The following CENPW variants were observed in gnomAD, a reference collection of about 807,000 sequenced individuals.
CENPW encodes centromere protein W, also known as cancer-up-regulated gene 2 protein.
CENPW carries 3 observed loss-of-function variants against 11.1 expected under a neutral mutation model. The observed-to-expected ratio is 0.27, with a 90% confidence interval of 0.12 to 0.70. CENPW has a LOEUF of 0.70. Ranked by LOEUF, CENPW falls within the 30% of genes least tolerant of loss-of-function variation. CENPW has a pLI of 0.77. For missense variants in CENPW, 100 were observed against 105.6 expected (o/e 0.95, Z 0.23); for synonymous variants, 38 against 42.0 (o/e 0.91, Z 0.37).
chr6:126,476,998 T>A, the CENPW span, among the ~76,000 whole-genome samples: 4 of 151,994 alleles, frequency 2.6e-5, no homozygotes, highest in Non-Finnish European at 4.4e-5. Context: ...AAAGGAAATA[T>A]ACTTCATTAA....
chr6:126,344,810 T>G (rs1004935811), intron 1 of CENPW, among the ~76,000 whole-genome samples: 3 of 152,200 alleles, frequency 2.0e-5, no homozygotes, highest in African/African-American at 7.2e-5. Context: ...ATATAAAGCA[T>G]TAAAACACCA....
At chr6:126,415,567 G>A in the CENPW span, among the ~76,000 whole-genome samples, 1 of 152,142 alleles carries the variant, frequency 6.6e-6, no homozygotes, top group Admixed American at 6.5e-5. Flanking sequence ...GATATGGTTT[G>A]GCTGTGTCCC....
chr6:126,381,031 T>A, the CENPW span, among the ~76,000 whole-genome samples: 144 of 152,312 alleles, frequency 9.5e-4, 3 homozygotes, highest in East Asian at 0.023. Context: ...TCTCAACGTT[T>A]GATCAAGTTC....
the CENPW span, among the ~76,000 whole-genome samples, chr6:126,403,013 A>C: frequency 2.0e-5 from 3 of 152,178 alleles, no homozygotes; most frequent in East Asian, 5.8e-4. Context: ...TTTCATACAC[A>C]ATATTATTAT....
the CENPW span, among the ~76,000 whole-genome samples, chr6:126,417,115 T>C: frequency 6.6e-6 from 1 of 152,188 alleles, no homozygotes; most frequent in African/African-American, 2.4e-5. Context: ...CCTGCATCAG[T>C]GTGACCTGGA....
the CENPW span, among the ~76,000 whole-genome samples, chr6:126,450,077 G>A: frequency 2.0e-5 from 3 of 151,072 alleles, no homozygotes; most frequent in Non-Finnish European, 3.0e-5. Context: ...AGATGCATGA[G>A]TTTTGTAAAC....
the CENPW span, among the ~76,000 whole-genome samples, chr6:126,461,013 G>A: frequency 6.6e-6 from 1 of 151,856 alleles, no homozygotes; most frequent in African/African-American, 2.4e-5. Context: ...AGAAGATGTT[G>A]ACTAAATGTT....
the CENPW span, among the ~76,000 whole-genome samples, chr6:126,393,306 T>A: frequency 6.6e-6 from 1 of 151,928 alleles, no homozygotes; most frequent in Non-Finnish European, 1.5e-5. Flanking sequence ...ATATTGGTTA[T>A]TTATTTTCTT....
At chr6:126,465,177 A>G in the CENPW span, among the ~76,000 whole-genome samples, 2 of 152,138 alleles carry the variant, frequency 1.3e-5, no homozygotes, top group African/African-American at 4.8e-5. Context: ...AAGTCAATAT[A>G]CAAAAATCAA....
At chr6:126,449,991 GC>G in the CENPW span, among the ~76,000 whole-genome samples, 2 of 150,880 alleles carry the variant, frequency 1.3e-5, no homozygotes, top group Non-Finnish European at 3.0e-5. Flanking sequence ...TTTCCACAGT[GC>G]CCAGCAATGT....
At chr6:126,389,253 A>G in the CENPW span, among the ~76,000 whole-genome samples, 1 of 152,004 alleles carries the variant, frequency 6.6e-6, no homozygotes, top group Admixed American at 6.6e-5. Flanking sequence ...ATGTGGGACC[A>G]CATAGGAGAC....
downstream of CENPW, among the ~76,000 whole-genome samples, chr6:126,350,307 G>A (rs1780476304): frequency 6.6e-6 from 1 of 152,078 alleles, no homozygotes. Flanking sequence ...TTTTCTCACA[G>A]TTTTGATGGG....
the CENPW span, among the ~76,000 whole-genome samples, chr6:126,397,443 T>C: frequency 6.6e-6 from 1 of 152,000 alleles, no homozygotes; most frequent in South Asian, 2.1e-4. Context: ...TCAGGGAGAG[T>C]GGGTTCGGTG....
At chr6:126,370,652 G>T in the CENPW span, among the ~76,000 whole-genome samples, 1 of 152,072 alleles carries the variant, frequency 6.6e-6, no homozygotes, top group South Asian at 2.1e-4. Context: ...AGCAGTTCTA[G>T]GAGCTTTTTG....
intron 1 of CENPW, among the ~76,000 whole-genome samples, chr6:126,344,650 A>G (rs1490485232): frequency 2.0e-5 from 3 of 152,334 alleles, no homozygotes; most frequent in South Asian, 4.1e-4. Flanking sequence ...GTGAGAATCA[A>G]TGAAGATAGT....
the CENPW span, among the ~76,000 whole-genome samples, chr6:126,438,239 T>G: frequency 6.6e-6 from 1 of 151,710 alleles, no homozygotes; most frequent in East Asian, 1.9e-4. Flanking sequence ...CTTAAGGGCT[T>G]CTCTTATTAT....
At chr6:126,449,955 A>C in the CENPW span, among the ~76,000 whole-genome samples, 4 of 151,052 alleles carry the variant, frequency 2.6e-5, no homozygotes. Context: ...AGCTTTTTGC[A>C]CTTCCCAAGC....
At chr6:126,445,874 TA>T in the CENPW span, among the ~76,000 whole-genome samples, 1 of 151,166 alleles carries the variant, frequency 6.6e-6, no homozygotes, top group South Asian at 2.1e-4. Context: ...TCTCACCTAA[TA>T]AAAAGGGAAG....
the CENPW span, among the ~76,000 whole-genome samples, chr6:126,452,642 G>A: frequency 1.3e-5 from 2 of 150,966 alleles, no homozygotes; most frequent in Non-Finnish European, 3.0e-5. Flanking sequence ...AACCTGTGGA[G>A]CAATGATAAA....
Sources: gnomAD v4.1 joint callset for allele counts (sites outside exome capture counted in the v4.1 genomes callset) on GRCh38, gnomAD v4.1.1 for gene constraint, MANE v1.5 for transcripts, NCBI Gene and HGNC (gene_info 2026-07-23, HGNC 2026-07-21) for gene names.